ARHGAP15: variants seen among roughly 807,000 people sequenced by gnomAD.
ARHGAP15 encodes Rho GTPase activating protein 15.
Under a neutral mutation model 63.7 loss-of-function variants are expected in ARHGAP15, and 51 were observed. The ratio of observed to expected loss-of-function variants is 0.80; its 90% CI spans 0.64 to 1.01. The LOEUF is 1.01. Ranked by LOEUF, ARHGAP15 falls within the 50% of genes least tolerant of loss-of-function variation. The pLI, the probability that ARHGAP15 is intolerant of heterozygous loss-of-function variation, is 0.00. For missense variants in ARHGAP15, 560 were observed against 564.6 expected, an observed-to-expected ratio of 0.99 and a Z score of 0.08; for synonymous variants, 191 against 193.8, an observed-to-expected ratio of 0.99 and a Z score of 0.12.
intron 8 of ARHGAP15, among the ~76,000 whole-genome samples, chr2:143,475,415 G>C (rs1353358253): frequency 6.6e-6 from 1 of 152,232 alleles, no homozygotes; most frequent in East Asian, 1.9e-4. Context: ...GCACATTTTG[G>C]AGCAAATAGC....
At chr2:143,596,575 T>A (rs955059714) in intron 11 of ARHGAP15, among the ~76,000 whole-genome samples, 5 of 152,274 alleles carry the variant, frequency 3.3e-5, no homozygotes, top group African/African-American at 9.6e-5. Flanking sequence ...AAAGCCACTA[T>A]TTCCAAAGCC....
chr2:143,574,016 A>G (rs1398771547), intron 11 of ARHGAP15, among the ~76,000 whole-genome samples: 2 of 152,188 alleles, frequency 1.3e-5, no homozygotes, highest in Admixed American at 1.3e-4. Context: ...GTGCATTATC[A>G]GTGGAGGTTC....
rs6430040 is a variant in ARHGAP15 at position 143,652,940 on chromosome 2, G to A, written c.1138+28673G>A. ...GCATTGGCTAAATCTCTAGTACCAT[G>A]TTAAGTAGAAATGATGAGAGTGGAC... On this transcript the variant is annotated intron_variant, in intron 12 of 13. Transcript: ENST00000295095. Among the ~76,000 whole-genome samples the A allele has an allele frequency of 9.5e-3, 1,451 of 152,132 alleles. 32 individuals carry two copies. The highest frequency in any genetic ancestry group is 0.033 in the African/African-American group (1,366 of 41,552).
At chr2:143,274,472 T>C (rs1681445528) in intron 6 of ARHGAP15, among the ~76,000 whole-genome samples, 1 of 152,256 alleles carries the variant, frequency 6.6e-6, no homozygotes, top group South Asian at 2.1e-4. Flanking sequence ...CTATTTGTTC[T>C]TTCTGTTCAA....
At chr2:143,682,502 G>A (rs1683147818) in intron 12 of ARHGAP15, among the ~76,000 whole-genome samples, 1 of 151,824 alleles carries the variant, frequency 6.6e-6, no homozygotes, top group African/African-American at 2.4e-5. Flanking sequence ...ATACACATAT[G>A]TATGTGTGTG....
intron 5 of ARHGAP15, among the ~76,000 whole-genome samples, chr2:143,229,247 TA>T (rs1252743187): frequency 2.6e-5 from 4 of 152,162 alleles, no homozygotes; most frequent in African/African-American, 9.7e-5. Flanking sequence ...GGAAACACTC[TA>T]AATTAGCCAA....
chr2:143,536,701 A>G (rs1367738256), intron 10 of ARHGAP15, among the ~76,000 whole-genome samples: 2 of 151,634 alleles, frequency 1.3e-5, no homozygotes, highest in East Asian at 1.9e-4. Flanking sequence ...AAGAACATGA[A>G]CTCATCATTT....
chr2:143,540,619 T>A, intron 10 of ARHGAP15, among the ~76,000 whole-genome samples: 1 of 152,222 alleles, frequency 6.6e-6, no homozygotes, highest in African/African-American at 2.4e-5. Context: ...AGTATTTTAT[T>A]TCTCCTTCCC....
intron 10 of ARHGAP15, among the ~76,000 whole-genome samples, chr2:143,548,339 T>G (rs1423004960): frequency 4.6e-5 from 7 of 152,078 alleles, no homozygotes; most frequent in Non-Finnish European, 1.0e-4. Flanking sequence ...TGATATCACC[T>G]TCTTCTTAGT....
chr2:143,162,403 CT>C (rs1690334034), intron 2 of ARHGAP15: 1 of 152,010 alleles, frequency 6.6e-6, no homozygotes, highest in African/African-American at 2.4e-5. Flanking sequence ...CGAAGGCACA[CT>C]GTTCCTCTGT....
At chr2:143,325,929 C>T (rs771664832) in intron 6 of ARHGAP15, among the ~76,000 whole-genome samples, 4 of 152,156 alleles carry the variant, frequency 2.6e-5, no homozygotes, top group African/African-American at 9.7e-5. Context: ...TAAATCCTTT[C>T]CCTAAATATT....
chr2:143,612,734 G>T (rs199507249), intron 11 of ARHGAP15, among the ~76,000 whole-genome samples: 1 of 152,220 alleles, frequency 6.6e-6, no homozygotes, highest in East Asian at 1.9e-4. Context: ...CTAGCAGAAT[G>T]ATTGAGGTTT....
At chr2:143,211,532 T>C (rs1215235913) in intron 3 of ARHGAP15, among the ~76,000 whole-genome samples, 2 of 152,080 alleles carry the variant, frequency 1.3e-5, no homozygotes, top group African/African-American at 2.4e-5. Flanking sequence ...CGTTATTAAA[T>C]AGGAAAATAA....
At chr2:143,160,660 C>G (rs1020935489) in intron 2 of ARHGAP15, among the ~76,000 whole-genome samples, 1 of 151,964 alleles carries the variant, frequency 6.6e-6, no homozygotes, top group African/African-American at 2.4e-5. Flanking sequence ...ATTTTGCAGA[C>G]ATGCTGTAGA....
At chr2:143,538,598 G>C (rs886705485) in intron 10 of ARHGAP15, among the ~76,000 whole-genome samples, 4 of 152,194 alleles carry the variant, frequency 2.6e-5, no homozygotes, top group African/African-American at 9.7e-5. Context: ...AAGGGTTGTT[G>C]AATTTTGTCA....
chr2:143,371,319 G>A (rs1686540052), intron 6 of ARHGAP15, among the ~76,000 whole-genome samples: 1 of 152,108 alleles, frequency 6.6e-6, no homozygotes, highest in South Asian at 2.1e-4. Flanking sequence ...GAAGTATAAT[G>A]AGAAGGACAA....
chr2:143,693,144 C>T (rs903530074), intron 12 of ARHGAP15, among the ~76,000 whole-genome samples: 3 of 152,146 alleles, frequency 2.0e-5, no homozygotes, highest in Non-Finnish European at 4.4e-5. Context: ...AGCGTTCCTT[C>T]ATGTGCGAAT....
At chr2:143,420,149 C>G (rs1241059377) in intron 6 of ARHGAP15, among the ~76,000 whole-genome samples, 1 of 152,080 alleles carries the variant, frequency 6.6e-6, no homozygotes, top group Non-Finnish European at 1.5e-5. Context: ...TGCAGTTCAC[C>G]AATACATAGG....
intron 6 of ARHGAP15, among the ~76,000 whole-genome samples, chr2:143,304,771 A>G (rs1026298032): frequency 3.9e-5 from 6 of 152,274 alleles, no homozygotes; most frequent in Admixed American, 3.3e-4. Context: ...GAAAACCACA[A>G]TGAGACACCA....
Sources: allele counts gnomAD v4.1 joint callset (sites outside exome capture counted in the v4.1 genomes callset), GRCh38; gene constraint gnomAD v4.1.1; transcripts MANE v1.5; gene names NCBI Gene and HGNC (gene_info 2026-07-23, HGNC 2026-07-21).